Variants in TAF3 observed in about 807,000 individuals in gnomAD.
TAF3 encodes the protein TATA-box binding protein associated factor 3.
In TAF3, 7 loss-of-function variants were observed where a neutral mutation model predicts 80.6. The observed-to-expected ratio is 0.09, with a 90% CI of 0.05 to 0.16. The LOEUF (loss-of-function observed/expected upper bound fraction) is 0.16, where lower values mean the gene tolerates loss of function less well. TAF3 is among the 10% of genes least tolerant of loss of function. TAF3 has a pLI of 1.00. For synonymous variants in TAF3, 444 were observed against 446.1 expected (o/e 1.00, Z 0.06); for missense variants, 921 against 1,140.2 (o/e 0.81, Z 2.77).
At position 8,014,897 on chromosome 10, in the gene TAF3, C is replaced by T. The variant is rs1450161748; in HGVS notation, c.*146C>T. ...CAGGAGGACTGAGGCTGGAACACAC[C>T]GCGCACCTGGATTGTTCACTCCCGA... On this transcript the variant is annotated 3_prime_UTR_variant, in exon 7 of 7. Transcript: ENST00000344293. 1.8e-5 allele frequency: 12 copies of T among 673,248 alleles called. No homozygotes were observed. Among genetic ancestry groups the T allele is most frequent in the South Asian group, 1.4e-4 (7 of 51,740 alleles). 41.7% of individuals were successfully genotyped at this position (673,248 alleles called of 1,614,324 possible).
chr10:7,872,635 A>G (rs1837278243), intron 2 of TAF3, among the ~76,000 whole-genome samples: 1 of 152,306 alleles, frequency 6.6e-6, no homozygotes, highest in African/African-American at 2.4e-5. Context: ...CCTGAATAAT[A>G]ATACAGGACA....
At position 7,818,888 on chromosome 10, in the gene TAF3, C is replaced by T. The variant is rs1836659300; in HGVS notation, c.166+13C>T. On this transcript the variant is annotated intron_variant, in intron 1 of 6. Transcript: ENST00000344293. ...TACTCTGAGCTCTGTGAGTACCGGGCTGGGTGCGGGAGGGCTGCCCCGGCA... is the reference window on the plus strand; with the variant it reads ...TACTCTGAGCTCTGTGAGTACCGGGTTGGGTGCGGGAGGGCTGCCCCGGCA... 1.4e-6 allele frequency: 2 copies of T among 1,418,540 alleles called. No individual in the cohort carries two copies. Among genetic ancestry groups the T allele is most frequent in the African/African-American group, 1.5e-5 (1 of 66,646 alleles). 87.9% of individuals were successfully genotyped at this position (1,418,540 alleles called of 1,614,324 possible).
chr10:7,949,682 C>T (rs571577942), intron 2 of TAF3, among the ~76,000 whole-genome samples: 1 of 152,294 alleles, frequency 6.6e-6, no homozygotes, highest in Non-Finnish European at 1.5e-5. Context: ...CATTTATGTA[C>T]CACTAAGGTA....
intron 3 of TAF3, among the ~76,000 whole-genome samples, chr10:7,972,838 T>C (rs766668369): frequency 2.6e-5 from 4 of 152,232 alleles, no homozygotes; most frequent in African/African-American, 7.2e-5. Context: ...AGTTTCCATA[T>C]AAACTAGTTA....
chr10:7,943,347 G>A (rs929872471), intron 2 of TAF3, among the ~76,000 whole-genome samples: 2 of 152,084 alleles, frequency 1.3e-5, no homozygotes, highest in South Asian at 4.1e-4. Context: ...TTCCTAGTTC[G>A]TAAGTTTTTC....
intron 2 of TAF3, among the ~76,000 whole-genome samples, chr10:7,859,689 A>G (rs1837124307): frequency 6.6e-6 from 1 of 152,228 alleles, no homozygotes; most frequent in African/African-American, 2.4e-5. Flanking sequence ...CCGCCGGGGC[A>G]TTATGGCTGC....
intron 4 of TAF3, among the ~76,000 whole-genome samples, chr10:7,978,685 A>G (rs546179943): frequency 3.5e-4 from 53 of 152,252 alleles, no homozygotes; most frequent in South Asian, 3.1e-3. Context: ...ACCAAAGTAA[A>G]TCTTCCATCT....
chr10:8,006,179 T>C (rs962338014), intron 4 of TAF3, among the ~76,000 whole-genome samples: 41 of 134,658 alleles, frequency 3.0e-4, no homozygotes, highest in South Asian at 9.8e-4. Flanking sequence ...AAAAAAAAAA[T>C]ACACACACAC....
At chr10:7,969,280 G>A (rs910714757) in intron 3 of TAF3, among the ~76,000 whole-genome samples, 6 of 151,980 alleles carry the variant, frequency 3.9e-5, no homozygotes, top group South Asian at 2.1e-4. Context: ...GGGCAACAGA[G>A]TGAGACCCTG....
chr10:7,907,813 T>G (rs965239546), intron 2 of TAF3, among the ~76,000 whole-genome samples: 1 of 152,150 alleles, frequency 6.6e-6, no homozygotes, highest in African/African-American at 2.4e-5. Context: ...AATGATTAGA[T>G]CTGTGTTTTA....
chr10:7,920,195 A>G (rs1040281576), intron 2 of TAF3, among the ~76,000 whole-genome samples: 1 of 152,106 alleles, frequency 6.6e-6, no homozygotes, highest in African/African-American at 2.4e-5. Context: ...CGAGGCTGCA[A>G]GTGAGATGTG....
chr10:7,873,149 A>G (rs1162200774), intron 2 of TAF3, among the ~76,000 whole-genome samples: 2 of 152,176 alleles, frequency 1.3e-5, no homozygotes, highest in African/African-American at 4.8e-5. Context: ...TTTGTAAAAT[A>G]TTTGAGAATC....
intron 5 of TAF3, among the ~76,000 whole-genome samples, chr10:8,011,441 T>C (rs1832055447): frequency 1.3e-5 from 2 of 151,918 alleles, no homozygotes; most frequent in South Asian, 4.2e-4. Context: ...TTTTTGTTTG[T>C]TTGTTTTTGG....
At chr10:7,858,329 G>C (rs913844937) in intron 2 of TAF3, among the ~76,000 whole-genome samples, 3 of 152,084 alleles carry the variant, frequency 2.0e-5, no homozygotes, top group Admixed American at 2.0e-4. Context: ...GTATCATTTG[G>C]ACTTGGATTC....
intron 2 of TAF3, among the ~76,000 whole-genome samples, chr10:7,827,962 AT>A (rs1189531809): frequency 1.3e-5 from 2 of 152,254 alleles, no homozygotes; most frequent in African/African-American, 4.8e-5. Context: ...TCAAAAAAAA[AT>A]AAAACACATG....
intron 2 of TAF3, among the ~76,000 whole-genome samples, chr10:7,858,696 G>T (rs1293659893): frequency 6.6e-6 from 1 of 152,202 alleles, no homozygotes; most frequent in Non-Finnish European, 1.5e-5. Context: ...TGTATAACAT[G>T]CTTAGAACCG....
intron 3 of TAF3, among the ~76,000 whole-genome samples, chr10:7,969,194 G>A (rs1429991367): frequency 2.0e-5 from 3 of 151,994 alleles, no homozygotes; most frequent in Admixed American, 1.3e-4. Flanking sequence ...AATTAACTAG[G>A]CATGGTGTTG....
chr10:7,907,365 T>C (rs1837616721), intron 2 of TAF3, among the ~76,000 whole-genome samples: 1 of 152,188 alleles, frequency 6.6e-6, no homozygotes, highest in South Asian at 2.1e-4. Flanking sequence ...GCAGATGAGA[T>C]AATTTTAGAT....
At chr10:7,916,002 T>C (rs115346387) in intron 2 of TAF3, among the ~76,000 whole-genome samples, 2,538 of 151,628 alleles carry the variant, frequency 0.017, 76 homozygotes, top group African/African-American at 0.058. Flanking sequence ...AAAAACCATG[T>C]AGTTTTTAAA....
Sources: gnomAD v4.1 joint callset for allele counts (sites outside exome capture counted in the v4.1 genomes callset) on GRCh38, gnomAD v4.1.1 for gene constraint, MANE v1.5 for transcripts, NCBI Gene and HGNC (gene_info 2026-07-23, HGNC 2026-07-21) for gene names.